Variants in BBX observed in about 807,000 individuals in gnomAD.
BBX encodes BBX high mobility group box domain containing.
Under a neutral mutation model 100.2 loss-of-function variants are expected in BBX, and 30 were observed. That is an observed-to-expected ratio of 0.30 (90% confidence interval 0.22 to 0.41). The LOEUF (loss-of-function observed/expected upper bound fraction) is 0.41. BBX is among the 10% of genes least tolerant of loss of function. The pLI is 1.00. For synonymous variants in BBX, 376 were observed against 388.1 expected (o/e 0.97, Z 0.37); for missense variants, 1,023 against 1,129.8 (o/e 0.91, Z 1.35).
chr3:107,568,265 ATTTT>A (rs36099700), intron 2 of BBX, among the ~76,000 whole-genome samples: 1 of 131,524 alleles, frequency 7.6e-6, no homozygotes, highest in Non-Finnish European at 1.6e-5. Flanking sequence ...ATTTTCTGCT[ATTTT>A]TTTTTTTTTT....
chr3:107,559,494 C>T, intron 2 of BBX, among the ~76,000 whole-genome samples: 1 of 152,182 alleles, frequency 6.6e-6, no homozygotes, highest in East Asian at 1.9e-4. Context: ...GATACAGCTT[C>T]TGAGGTGGAG....
Position 107,738,583 on chromosome 3 carries a change from G to A in BBX, c.669+5560G>A, listed in dbSNP as rs564772801. On this transcript the variant is annotated intron_variant, in intron 7 of 17. Transcript: ENST00000325805. ...GAAGGGTAAAGTAACAGCCCACGAT[G>A]GTGAGGCTACAAAGTGGCAGAACTG... 5.3e-5 allele frequency among the ~76,000 whole-genome samples: 8 copies of A among 152,286 alleles called. 1 individual carries two copies. The East Asian group carries it at 1.2e-3, about 22-fold the overall frequency.
Position 107,653,058 on chromosome 3 carries a change from C to T in BBX, c.-10+7149C>T, listed in dbSNP as rs562836520. 2.0e-5 allele frequency among the ~76,000 whole-genome samples: 3 copies of T among 152,262 alleles called. No individual in the cohort carries two copies. In the South Asian group the frequency reaches 6.2e-4, roughly 32 times the overall value. ...TCACATTTCATTAACCTATATTCCACTGAACTTGGTGTTGATAAGCATCTC... is the reference window on the plus strand; with the variant it reads ...TCACATTTCATTAACCTATATTCCATTGAACTTGGTGTTGATAAGCATCTC... On this transcript the variant is annotated intron_variant, in intron 3 of 17. Coordinates refer to ENST00000325805, the MANE Select transcript of BBX (RefSeq NM_001142568.3).
At chr3:107,548,431 C>T (rs1470656620) in intron 2 of BBX, among the ~76,000 whole-genome samples, 2 of 152,026 alleles carry the variant, frequency 1.3e-5, no homozygotes, top group Non-Finnish European at 2.9e-5. Context: ...AAAACAGATG[C>T]AGAAAACATC....
chr3:107,755,532 A>G, intron 9 of BBX, 66 bp from the exon 10 acceptor site: 1 of 1,412,504 alleles, frequency 7.1e-7, no homozygotes, highest in Non-Finnish European at 1.0e-6. Flanking sequence ...CTGAATGTAT[A>G]TGAATGAGAA....
In BBX at chr3:107,728,786, G is replaced by A; in HGVS notation, c.427G>A (p.Ala143Thr). 1 of 1,613,034 alleles carries A rather than the reference G, an allele frequency of 6.2e-7. No homozygotes were observed. Among genetic ancestry groups the A allele is most frequent in the Non-Finnish European group, 8.5e-7 (1 of 1,179,498 alleles). ...ATAGTATAAGGATGCATTTATGAAA[G>A]CAAATCCTGGCTACAAATGGTGTCC... ...AKEYKDAFMK[A>T]NPGYKWCPTT... The change falls in exon 6 of 18, where the codon GCA becomes ACA. Residue 143 changes from alanine (A) to threonine (T), a missense_variant. By Grantham distance (58) the Ala-to-Thr change is moderately conservative. Coordinates refer to ENST00000325805, the MANE Select transcript of BBX (RefSeq NM_001142568.3).
At chr3:107,737,215 C>T (rs561536144) in intron 7 of BBX, among the ~76,000 whole-genome samples, 1 of 152,114 alleles carries the variant, frequency 6.6e-6, no homozygotes, top group South Asian at 2.1e-4. Context: ...TTATTCTAGG[C>T]ATTTCATATT....
intron 7 of BBX, among the ~76,000 whole-genome samples, chr3:107,742,990 A>G (rs1003049858): frequency 2.0e-5 from 3 of 152,134 alleles, no homozygotes; most frequent in Non-Finnish European, 4.4e-5. Context: ...CTCCTCATAA[A>G]TGGTCACTAT....
intron 10 of BBX, among the ~76,000 whole-genome samples, chr3:107,760,461 A>G (rs1032488271): frequency 2.0e-5 from 3 of 152,204 alleles, no homozygotes; most frequent in Non-Finnish European, 4.4e-5. Context: ...GTGCTTTGGA[A>G]GATACTGTGG....
intron 4 of BBX, chr3:107,716,365 G>T: frequency 2.1e-6 from 1 of 467,714 alleles, no homozygotes; most frequent in African/African-American, 1.9e-5. Flanking sequence ...ATAACACAAT[G>T]TAATATATGC....
At chr3:107,527,610 GA>G (rs2047872146) in intron 2 of BBX, among the ~76,000 whole-genome samples, 1 of 152,138 alleles carries the variant, frequency 6.6e-6, no homozygotes, top group South Asian at 2.1e-4. Context: ...AAAATCTAGA[GA>G]ACTTTAGATA....
intron 2 of BBX, among the ~76,000 whole-genome samples, chr3:107,556,711 A>T (rs746611401): frequency 3.3e-5 from 5 of 152,214 alleles, no homozygotes; most frequent in Non-Finnish European, 7.3e-5. Context: ...TTACCAAAGA[A>T]GATGTTGGGA....
chr3:107,732,116 G>A (rs1017959442), intron 6 of BBX, among the ~76,000 whole-genome samples: 14 of 152,004 alleles, frequency 9.2e-5, no homozygotes, highest in African/African-American at 2.4e-4. Context: ...GCAGTGTTGC[G>A]ATCTTAGCTC....
chr3:107,629,487 G>T (rs775720537), intron 2 of BBX, among the ~76,000 whole-genome samples: 9 of 152,100 alleles, frequency 5.9e-5, no homozygotes, highest in Non-Finnish European at 1.3e-4. Flanking sequence ...AAATAACTGG[G>T]CAGCCTCACA....
chr3:107,713,882 G>A (rs2061895533), intron 4 of BBX, among the ~76,000 whole-genome samples: 2 of 147,634 alleles, frequency 1.4e-5, no homozygotes, highest in Admixed American at 6.8e-5. Flanking sequence ...AGTTCCCCAT[G>A]TCTCTCCATT....
rs1299242260 is a variant in BBX, at chr3:107,707,038, T to G, written c.-9-3414T>G. Among the ~76,000 whole-genome samples, 3 of 152,246 alleles carry G rather than the reference T, an allele frequency of 2.0e-5. No homozygotes were observed. The East Asian group carries it at 5.8e-4, about 29-fold the overall frequency. Reference sequence around the variant, plus strand: ...ATTAGATAACTATAAATTATTAAAGTGCACAGTTTATACTTTGAGGTATTT... The same window carrying G: ...ATTAGATAACTATAAATTATTAAAGGGCACAGTTTATACTTTGAGGTATTT... On this transcript the variant is annotated intron_variant, in intron 3 of 17. Transcript: ENST00000325805.
Position 107,710,524 on chromosome 3 carries a change from A to G in BBX, c.64A>G (p.Lys22Glu), listed in dbSNP as rs1000814939. Residue 22 changes from lysine (K) to glutamate (E), a missense_variant, in exon 4 of 18, where the codon AAA becomes GAA. Coordinates refer to ENST00000325805, the MANE Select transcript of BBX (RefSeq NM_001142568.3). ...AGGAGAAGGGGTTGGAAAACGACCA[A>G]AACGAAAGTGTCTTCAGTGGCATCC... Reference protein sequence around the residue: ...AEGEGVGKRPKRKCLQWHPLL... With the variant: ...AEGEGVGKRPERKCLQWHPLL... 1.9e-6 allele frequency: 3 copies of G among 1,613,902 alleles called. No homozygotes were observed. The highest frequency in any genetic ancestry group is 8.5e-7 in the Non-Finnish European group (1 of 1,179,944).
chr3:107,524,979 T>C, intron 1 of BBX, among the ~76,000 whole-genome samples: 1 of 151,002 alleles, frequency 6.6e-6, no homozygotes, highest in South Asian at 2.1e-4. Flanking sequence ...CCGGGGTGGC[T>C]GACTGGGACT....
intron 12 of BBX, 38 bp from the exon 13 acceptor site, chr3:107,778,333 G>A: frequency 6.2e-7 from 1 of 1,608,946 alleles, no homozygotes; most frequent in Non-Finnish European, 8.5e-7. Context: ...GTCATATTTG[G>A]TCATGTGCTG....
Sources: gnomAD v4.1 joint callset for allele counts (sites outside exome capture counted in the v4.1 genomes callset) on GRCh38, gnomAD v4.1.1 for gene constraint, MANE v1.5 for transcripts, NCBI Gene and HGNC (gene_info 2026-07-23, HGNC 2026-07-21) for gene names.